ATP8B1: variants seen among roughly 807,000 people sequenced by gnomAD.
ATP8B1 encodes the protein ATPase phospholipid transporting 8B1.
Under a neutral mutation model 149.9 loss-of-function variants are expected in ATP8B1, and 80 were observed. The observed-to-expected ratio is 0.53, with a 90% CI of 0.45 to 0.64. The LOEUF is 0.64. Among genes scored for constraint, ATP8B1 ranks in the 30% least tolerant of loss-of-function variants. The probability of loss-of-function intolerance (pLI) is 0.00; values close to 1 mark genes in which losing one functional copy is unlikely to be tolerated. For synonymous variants in ATP8B1, 536 were observed against 562.8 expected, an observed-to-expected ratio of 0.95 and a Z score of 0.67; for missense variants, 1,247 against 1,552.6, an observed-to-expected ratio of 0.80 and a Z score of 3.31.
At chr18:57,756,181 C>T (rs1419067436) in intron 1 of ATP8B1, among the ~76,000 whole-genome samples, 1 of 136,326 alleles carries the variant, frequency 7.3e-6, no homozygotes, top group African/African-American at 3.0e-5. Context: ...TAATCTGAAA[C>T]ATTTCCACAA....
At chr18:57,762,110 G>GAT (rs1364773779) in intron 1 of ATP8B1, among the ~76,000 whole-genome samples, 4 of 149,444 alleles carry the variant, frequency 2.7e-5, no homozygotes, top group Non-Finnish European at 3.0e-5. Context: ...CCAATAATGA[G>GAT]ATACACACAC....
At chr18:57,684,951 C>A in intron 14 of ATP8B1, 121 bp downstream of exon 14, 3 of 1,278,946 alleles carry the variant, frequency 2.3e-6, no homozygotes, top group Non-Finnish European at 3.4e-6. Flanking sequence ...CTGTGGGCAA[C>A]CACCAGGAGC....
chr18:57,788,288 G>A (rs1056172252), intron 1 of ATP8B1, among the ~76,000 whole-genome samples: 6 of 151,016 alleles, frequency 4.0e-5, no homozygotes, highest in Non-Finnish European at 7.4e-5. Flanking sequence ...TTAACTGGCC[G>A]TGCATGGTGG....
intron 22 of ATP8B1, among the ~76,000 whole-genome samples, chr18:57,658,032 T>C (rs1020864044): frequency 6.6e-6 from 1 of 151,920 alleles, no homozygotes; most frequent in African/African-American, 2.4e-5. Flanking sequence ...ATTTCCTCGC[T>C]ACAGCAATAA....
At position 57,784,980 on chromosome 18, in the gene ATP8B1, C is replaced by A. The variant is rs2080392626; in HGVS notation, c.-26+18018G>T. On this transcript the variant is annotated intron_variant, in intron 1 of 27. Transcript: ENST00000648908. This position sits in a 1 kb window ranked among gnomAD's most constrained non-coding sequence, Gnocchi z 4.4. The stretch of plus-strand genomic sequence containing the variant: ...ATACTTTTACAAAGTCTTTAATAAA[C>A]TGGTGCCGGTCTTCTGTCTCAAAAA... 6.6e-6 allele frequency among the ~76,000 whole-genome samples: 1 copy of A among 152,172 alleles called. No homozygotes were observed.
intron 21 of ATP8B1, among the ~76,000 whole-genome samples, chr18:57,661,848 G>A (rs145365812): frequency 0.028 from 4,249 of 151,168 alleles, 63 homozygotes; most frequent in Middle Eastern, 0.062. Context: ...CCGAGTAGCC[G>A]GGACTACAGG....
At chr18:57,761,727 G>T (rs1443856941) in intron 1 of ATP8B1, among the ~76,000 whole-genome samples, 1 of 151,242 alleles carries the variant, frequency 6.6e-6, no homozygotes, top group Non-Finnish European at 1.5e-5. Context: ...GGCTGAGGCG[G>T]GCGGATCACA....
chr18:57,741,607 C>T (rs7230094), intron 1 of ATP8B1, among the ~76,000 whole-genome samples: 25,177 of 152,190 alleles, frequency 0.17, 2,841 homozygotes, highest in African/African-American at 0.31. Flanking sequence ...TGTGCTCAGA[C>T]ACTTGATTCA....
rs1389587299 is a variant in ATP8B1 at position 57,652,785 on chromosome 18, ATATGT to A, written c.3016-61_3016-57del. On this transcript the variant is annotated intron_variant, in intron 24 of 27. Transcript: ENST00000648908. ...ATTCATCAGGTCAAAGCAGTCAGAG[ATATGT>A]TATAATTAATATCTCACAAAAAGTT... The A allele has an allele frequency of 7.5e-6, 12 of 1,609,462 alleles. No homozygotes were observed. In the African/African-American group the frequency reaches 1.1e-4, roughly 14 times the overall value.
intron 1 of ATP8B1, among the ~76,000 whole-genome samples, chr18:57,762,060 C>T (rs558215687): frequency 2.0e-5 from 3 of 151,480 alleles, no homozygotes; most frequent in Non-Finnish European, 4.4e-5. Context: ...ACGCTGTTCA[C>T]ATCTTGCATT....
intron 13 of ATP8B1, among the ~76,000 whole-genome samples, chr18:57,685,370 A>G (rs1438410684): frequency 6.6e-6 from 1 of 152,082 alleles, no homozygotes; most frequent in Non-Finnish European, 1.5e-5. Context: ...TACCTCTCCC[A>G]AGTCAGAAGG....
Position 57,668,522 on chromosome 18 carries a change from T to G in ATP8B1, c.2116A>C (p.Ile706Leu). 6.4e-7 allele frequency: 1 copy of G among 1,550,816 alleles called. No homozygotes were observed. The highest frequency in any genetic ancestry group is 1.8e-5 in the Admixed American group (1 of 54,770). The change falls in exon 19 of 28, where the codon ATT (isoleucine) becomes CTT (leucine). Residue 706 changes from isoleucine (I) to leucine (L), a missense_variant. Coordinates refer to ENST00000648908, the MANE Select transcript of ATP8B1 (RefSeq NM_001374385.1). Reference protein sequence around the residue: ...KDLILLGATAIEDKLQDGVPE... With the variant: ...KDLILLGATALEDKLQDGVPE... ...ACTCCATCCTGTAGCTTGTCTTCAA[T>G]AGCTGTAGCTCCCAGGAGCTAGAAT...
At chr18:57,761,030 AATAAAATAAATAAAATAAAATAAC>A (rs1287930119) in intron 1 of ATP8B1, among the ~76,000 whole-genome samples, 4 of 123,544 alleles carry the variant, frequency 3.2e-5, no homozygotes, top group South Asian at 2.7e-4. Flanking sequence ...AATAACATAA[AATAAAATAAATAAAATAAAATAAC>A]ATAAAATAAC....
rs1707906676 is a variant in ATP8B1, at chr18:57,802,534, C to G, written c.-26+464G>C. Among the ~76,000 whole-genome samples the G allele has an allele frequency of 6.6e-6, 1 of 152,184 alleles. No individual in the cohort carries two copies. The highest frequency in any genetic ancestry group is 2.1e-4 in the South Asian group (1 of 4,828). ...GTCAGATACGTTTGGCCCGCAAGTC[C>G]TTTTCGGACACGTTGGCATCTGCTC... On this transcript the variant is annotated intron_variant, in intron 1 of 27. Transcript: ENST00000648908. This position sits in a 1 kb window ranked among gnomAD's most constrained non-coding sequence, Gnocchi z 4.9.
chr18:57,698,805 G>A (rs1464166533), intron 6 of ATP8B1, among the ~76,000 whole-genome samples: 1 of 152,074 alleles, frequency 6.6e-6, no homozygotes, highest in Non-Finnish European at 1.5e-5. Context: ...TCATTTTCAG[G>A]GCTTTGCTCA....
intron 1 of ATP8B1, among the ~76,000 whole-genome samples, chr18:57,740,136 A>T (rs1403422399): frequency 6.6e-6 from 1 of 151,890 alleles, no homozygotes; most frequent in Non-Finnish European, 1.5e-5. Flanking sequence ...TGTTGCCCAG[A>T]CTGGAGTTCA....
intron 15 of ATP8B1, among the ~76,000 whole-genome samples, chr18:57,675,563 T>C (rs985393121): frequency 2.6e-5 from 4 of 152,210 alleles, no homozygotes; most frequent in Non-Finnish European, 4.4e-5. Context: ...AAGATTTTTC[T>C]GTTTCTTTTT....
At chr18:57,664,850 TTA>T (rs1347494913) in intron 20 of ATP8B1, among the ~76,000 whole-genome samples, 2 of 152,170 alleles carry the variant, frequency 1.3e-5, no homozygotes, top group Non-Finnish European at 2.9e-5. Flanking sequence ...GAGGACTCAG[TTA>T]TCTTGTAACT....
At chr18:57,652,892 A>G (rs1375830979) in intron 24 of ATP8B1, among the ~76,000 whole-genome samples, 163 bp from the exon 25 acceptor site, 1 of 152,242 alleles carries the variant, frequency 6.6e-6, no homozygotes, top group Non-Finnish European at 1.5e-5. Flanking sequence ...TGTGGTGTGC[A>G]GAGCTCAACC....
Sources: gnomAD v4.1 joint callset for allele counts (sites outside exome capture counted in the v4.1 genomes callset) on GRCh38, gnomAD v4.1.1 for gene constraint, Gnocchi (gnomAD v3.1) non-coding constraint, MANE v1.5 for transcripts, NCBI Gene and HGNC (gene_info 2026-07-23, HGNC 2026-07-21) for gene names.